Variants in SLC52A3 observed in about 807,000 individuals in gnomAD.
The protein encoded by SLC52A3 is solute carrier family 52 member 3.
A neutral mutation model predicts 29.5 loss-of-function variants in SLC52A3; 20 were observed. The ratio of observed to expected loss-of-function variants is 0.68; its 90% CI spans 0.48 to 0.99. SLC52A3 has a LOEUF of 0.99. Ranked by LOEUF, SLC52A3 falls within the 50% of genes least tolerant of loss-of-function variation. The probability of loss-of-function intolerance (pLI) is 0.00; values close to 1 mark genes in which losing one functional copy is unlikely to be tolerated. For synonymous variants in SLC52A3, 301 were observed against 271.0 expected, an observed-to-expected ratio of 1.11 and a Z score of -1.09; for missense variants, 548 against 612.9, an observed-to-expected ratio of 0.89 and a Z score of 1.12.
intron 1 of SLC52A3, chr20:766,455 C>T (rs770809303): frequency 6.6e-6 from 1 of 152,590 alleles, no homozygotes; most frequent in Non-Finnish European, 1.5e-5. Context: ...CAAGCCTGCG[C>T]GTGTACATCC....
upstream of SLC52A3, among the ~76,000 whole-genome samples, chr20:778,075 C>T (rs6140168): frequency 0.078 from 11,506 of 148,356 alleles, 757 homozygotes; most frequent in East Asian, 0.43. Flanking sequence ...GAGTGCAATG[C>T]TGCAATCTCG....
chr20:776,176 G>A (rs1987021766), upstream of SLC52A3, among the ~76,000 whole-genome samples: 1 of 152,188 alleles, frequency 6.6e-6, no homozygotes, highest in Non-Finnish European at 1.5e-5. Flanking sequence ...GCTTTATTGA[G>A]GCTCTCTGCC....
upstream of SLC52A3, among the ~76,000 whole-genome samples, chr20:778,844 T>C (rs561481755): frequency 1.3e-5 from 2 of 152,116 alleles, no homozygotes; most frequent in African/African-American, 4.8e-5. Flanking sequence ...TCTCCCAAAG[T>C]GCTGGGATTA....
In SLC52A3 at chr20:765,694, C is replaced by A. The variant is rs1336462840; in HGVS notation, c.81G>T (p.Leu27=). Reference sequence around the variant, plus strand: ...CGGGCAGCTCCATCACCAGCAGGGGCAGCTCTACCCAGAGCCCATTGATGG... The same window carrying A: ...CGGGCAGCTCCATCACCAGCAGGGGAAGCTCTACCCAGAGCCCATTGATGG... The part of the protein sequence containing the change: ...WVTINGLWVE[L]PLLVMELPEG... Residue 27 remains leucine (L), a synonymous_variant, in exon 2 of 5, where the codon CTG becomes CTT. Coordinates refer to ENST00000645534, the MANE Select transcript of SLC52A3 (RefSeq NM_033409.4). This position sits in a 1 kb window ranked among gnomAD's most constrained non-coding sequence, Gnocchi z 6.6. The A allele has an allele frequency of 2.5e-6, 4 of 1,613,638 alleles. No homozygotes were observed. The highest frequency in any genetic ancestry group is 2.7e-5 in the African/African-American group (2 of 74,940).
At position 763,999 on chromosome 20, in the gene SLC52A3, A is replaced by G; in HGVS notation, c.572T>C (p.Val191Ala). Residue 191 changes from valine to alanine, a missense_variant, in exon 3 of 5, where the codon GTT becomes GCT. By Grantham distance (64) the Val-to-Ala change is moderately conservative. This residue lies in a region of SLC52A3 where 375 missense variants were observed against 471.1 expected (regional missense o/e 0.80). Transcript: ENST00000645534. ...GAGGGCGGACACCAAAGCTCTGGGAACTCCCTGCAAAGGACAAGACAGATC... is the reference window on the plus strand; with the variant it reads ...GAGGGCGGACACCAAAGCTCTGGGAGCTCCCTGCAAAGGACAAGACAGATC... ...PTRETDIAQG[V>A]PRALVSALPG... 1 of 1,553,698 alleles carries G rather than the reference A, an allele frequency of 6.4e-7. No individual in the cohort carries two copies. Among genetic ancestry groups the G allele is most frequent in the Non-Finnish European group, 8.7e-7 (1 of 1,150,416 alleles).
intron 1 of SLC52A3, among the ~76,000 whole-genome samples, chr20:767,239 T>C (rs1986714086): frequency 6.6e-6 from 1 of 152,184 alleles, no homozygotes; most frequent in Non-Finnish European, 1.5e-5. Flanking sequence ...CAGGAAAAAG[T>C]GTACTGCCTT....
upstream of SLC52A3, among the ~76,000 whole-genome samples, chr20:771,903 G>A (rs1986851896): frequency 6.6e-6 from 1 of 152,154 alleles, no homozygotes; most frequent in African/African-American, 2.4e-5. Context: ...AGCAGTACAG[G>A]CCTGACTCAC....
chr20:774,644 G>A (rs1262100687), intron 1 of SLC52A3, among the ~76,000 whole-genome samples: 1 of 152,216 alleles, frequency 6.6e-6, no homozygotes, highest in Non-Finnish European at 1.5e-5. Flanking sequence ...GAGGTGCCAG[G>A]AGGCAGGAGG....
intron 2 of SLC52A3, 136 bp from the exon 3 acceptor site, chr20:764,139 G>T: frequency 9.7e-7 from 1 of 1,032,666 alleles, no homozygotes; most frequent in Non-Finnish European, 1.4e-6. Flanking sequence ...CTAACAAGGT[G>T]GCAATAATGA....
At chr20:776,721 G>A (rs1183720567), upstream of SLC52A3, among the ~76,000 whole-genome samples, 1 of 152,134 alleles carries the variant, frequency 6.6e-6, no homozygotes, top group Non-Finnish European at 1.5e-5. Context: ...AAAGCTTGTA[G>A]GTGAGGGGTT....
chr20:765,454 G>A lies in SLC52A3; in HGVS notation c.321C>T (p.Ala107=), dbSNP rs3746808. 487,104 of 1,609,184 alleles carry A rather than the reference G, an allele frequency of 0.3. 76,036 individuals carry two copies. Among genetic ancestry groups the A allele is most frequent in the Admixed American group, 0.4 (23,427 of 58,890 alleles). Residue 107 remains alanine, a synonymous_variant, in exon 2 of 5, where the codon GCC becomes GCT. Transcript: ENST00000645534. The surrounding 1 kb of genome is among the most constrained non-coding windows in gnomAD (Gnocchi z 6.6). ...SWVLDGHHSI[A]FLVLTFFLAL... ...CCAGGAAGAAGGTGAGGACCAAGAA[G>A]GCGATGCTGTGGTGGCCGTCCAGCA...
Position 765,880 on chromosome 20 carries a change from C to CT in SLC52A3, c.-51-56dup. On this transcript the variant is annotated intron_variant, in intron 1 of 4. Coordinates refer to ENST00000645534, the MANE Select transcript of SLC52A3 (RefSeq NM_033409.4). The surrounding 1 kb of genome is among the most constrained non-coding windows in gnomAD (Gnocchi z 6.6). ...TCCAGCTTCACCACCTAGCAAGATG[C>CT]TGGGACCTGGGGCCCAGAGTTTTCT... 1 of 1,112,958 alleles carries CT rather than the reference C, an allele frequency of 9.0e-7. No individual in the cohort carries two copies. Among genetic ancestry groups the CT allele is most frequent in the African/African-American group, 1.5e-5 (1 of 65,126 alleles). The allele number at this position is 1,112,958 out of a possible 1,614,324, so 68.9% of individuals were successfully genotyped here.
intron 4 of SLC52A3, 94 bp downstream of exon 4, chr20:761,607 C>G (rs746517366): frequency 3.8e-6 from 6 of 1,564,934 alleles, no homozygotes; most frequent in South Asian, 1.2e-5. Context: ...CCACAGACCC[C>G]GCTCGCTGGA....
chr20:778,984 A>T (rs1175297069), upstream of SLC52A3, among the ~76,000 whole-genome samples: 1 of 152,138 alleles, frequency 6.6e-6, no homozygotes, highest in Admixed American at 6.5e-5. Flanking sequence ...TGCTTGTATA[A>T]TTTTTTAATA....
chr20:766,636 T>A (rs1331821457), intron 1 of SLC52A3, among the ~76,000 whole-genome samples: 1 of 151,730 alleles, frequency 6.6e-6, no homozygotes, highest in African/African-American at 2.4e-5. Context: ...TTGACTGTAA[T>A]TTTCCACTAC....
upstream of SLC52A3, among the ~76,000 whole-genome samples, chr20:778,187 G>T (rs970050569): frequency 7.9e-5 from 12 of 152,038 alleles, no homozygotes; most frequent in Non-Finnish European, 1.6e-4. Context: ...AGCTAATTTT[G>T]TATTTGTAGT....
chr20:777,543 T>C (rs1987096067), upstream of SLC52A3, among the ~76,000 whole-genome samples: 2 of 152,216 alleles, frequency 1.3e-5, no homozygotes, highest in African/African-American at 4.8e-5. Context: ...GGTGCCTCCA[T>C]GGATGTAAAA....
upstream of SLC52A3, among the ~76,000 whole-genome samples, chr20:770,739 T>C (rs1986822050): frequency 6.6e-6 from 1 of 152,188 alleles, no homozygotes; most frequent in East Asian, 1.9e-4. This position sits in a 1 kb window ranked among gnomAD's most constrained non-coding sequence, Gnocchi z 4.5. Flanking sequence ...CCAAAGTCAA[T>C]ATACTAGAGC....
At chr20:761,529 A>C in intron 4 of SLC52A3, 172 bp downstream of exon 4, 1 of 984,890 alleles carries the variant, frequency 1.0e-6, no homozygotes, top group South Asian at 1.6e-5. Context: ...AGTCACCTCG[A>C]TTCCCTAAGC....
Sources: allele counts gnomAD v4.1 joint callset (sites outside exome capture counted in the v4.1 genomes callset), GRCh38; gene constraint gnomAD v4.1.1; regional missense constraint gnomAD v4.1.1; non-coding constraint Gnocchi (gnomAD v3.1); transcripts MANE v1.5; gene names NCBI Gene and HGNC (gene_info 2026-07-23, HGNC 2026-07-21).